ADAMTS18: variants seen among roughly 807,000 people sequenced by gnomAD.
The protein encoded by ADAMTS18 is ADAM metallopeptidase with thrombospondin type 1 motif 18, also known as A disintegrin and metalloproteinase with thrombospondin motifs 18.
Under a neutral mutation model 165.9 loss-of-function variants are expected in ADAMTS18, and 157 were observed. That is an observed-to-expected ratio of 0.95 (90% CI 0.83 to 1.08). ADAMTS18 has a LOEUF of 1.08. Ranked by LOEUF, ADAMTS18 falls within the 50% of genes least tolerant of loss-of-function variation. The pLI, the probability that ADAMTS18 is intolerant of heterozygous loss-of-function variation, is 0.00. For synonymous variants in ADAMTS18, 782 were observed against 578.2 expected (o/e 1.35, Z -5.06); for missense variants, 2,040 against 1,534.0 (o/e 1.33, Z -5.51).
At chr16:77,400,967 A>G (rs72801660) in intron 3 of ADAMTS18, among the ~76,000 whole-genome samples, 2,385 of 152,166 alleles carry the variant, frequency 0.016, 24 homozygotes, top group Middle Eastern at 0.031. Flanking sequence ...TTTGAAAGAA[A>G]CCAAATTGCC....
intron 3 of ADAMTS18, among the ~76,000 whole-genome samples, chr16:77,427,492 G>A (rs1003911897): frequency 3.3e-5 from 5 of 152,310 alleles, no homozygotes; most frequent in Admixed American, 2.6e-4. Flanking sequence ...ATAGTAGAAA[G>A]GACAGACATG....
At chr16:77,294,797 G>A in intron 19 of ADAMTS18, 126 bp downstream of exon 19, 1 of 915,580 alleles carries the variant, frequency 1.1e-6, no homozygotes, top group East Asian at 2.6e-5. Context: ...AGATTCCCAG[G>A]CACATGAACT....
At chr16:77,326,550 T>C (rs1333916207) in intron 12 of ADAMTS18, among the ~76,000 whole-genome samples, 1 of 152,098 alleles carries the variant, frequency 6.6e-6, no homozygotes, top group African/African-American at 2.4e-5. Flanking sequence ...ACCTGGCTAA[T>C]TCTTGTACTT....
rs866117910 is a variant in ADAMTS18 at position 77,408,161 on chromosome 16, T to A, written c.495+23134A>T. ...AGAGACACAGATTTACTATATGATA[T>A]ACCAAGCATACTCTAGATTAAACTT... On this transcript the variant is annotated intron_variant, in intron 3 of 22. Coordinates refer to ENST00000282849, the MANE Select transcript of ADAMTS18 (RefSeq NM_199355.4). 2.0e-5 allele frequency among the ~76,000 whole-genome samples: 3 copies of A among 152,110 alleles called. No individual in the cohort carries two copies. The South Asian group carries it at 6.2e-4, about 31-fold the overall frequency.
chr16:77,364,476 A>G, intron 4 of ADAMTS18, 95 bp from the exon 5 acceptor site: 3 of 1,387,664 alleles, frequency 2.2e-6, no homozygotes, highest in Non-Finnish European at 3.0e-6. Context: ...AAGAGAAACT[A>G]TGTAACCAAC....
chr16:77,327,571 T>C (rs2056117311), intron 12 of ADAMTS18, among the ~76,000 whole-genome samples: 1 of 152,164 alleles, frequency 6.6e-6, no homozygotes, highest in African/African-American at 2.4e-5. Flanking sequence ...CGTAAAAAAG[T>C]AATGAAATAA....
intron 3 of ADAMTS18, among the ~76,000 whole-genome samples, chr16:77,423,367 G>A (rs890454144): frequency 6.6e-6 from 1 of 152,128 alleles, no homozygotes; most frequent in Admixed American, 6.5e-5. Flanking sequence ...TGCAGAGGAA[G>A]GTCTGCAATA....
intron 13 of ADAMTS18, 121 bp downstream of exon 13, chr16:77,325,745 G>A (rs1284082391): frequency 2.0e-6 from 2 of 1,023,934 alleles, no homozygotes; most frequent in African/African-American, 1.6e-5. Context: ...GCCAGGATGG[G>A]TCTGGGGAGT....
rs1010463908 is a variant in ADAMTS18 at position 77,434,966 on chromosome 16, C to T, written c.-271G>A. ...GGCTCCCTGGGCCGGGACTGGAGCG[C>T]AAACGGTTGGGAGACTGTCGGTGTC... On this transcript the variant is annotated 5_prime_UTR_variant, in exon 1 of 23. Coordinates refer to ENST00000282849, the MANE Select transcript of ADAMTS18 (RefSeq NM_199355.4). 1.5e-5 allele frequency: 5 copies of T among 324,096 alleles called. No individual in the cohort carries two copies. Among genetic ancestry groups the T allele is most frequent in the Non-Finnish European group, 2.2e-5 (4 of 179,598 alleles). 20.1% of individuals were successfully genotyped at this position (324,096 alleles called of 1,614,324 possible).
intron 10 of ADAMTS18, among the ~76,000 whole-genome samples, chr16:77,347,325 T>C (rs981279163): frequency 7.2e-5 from 11 of 152,302 alleles, no homozygotes; most frequent in Non-Finnish European, 1.6e-4. Flanking sequence ...ATGGAGTACA[T>C]TTGCTGGGTC....
chr16:77,426,038 A>G (rs541927474), intron 3 of ADAMTS18, among the ~76,000 whole-genome samples: 2 of 151,626 alleles, frequency 1.3e-5, no homozygotes, highest in African/African-American at 4.9e-5. Flanking sequence ...GAGACTCCAC[A>G]TCAAACAAAC....
intron 3 of ADAMTS18, among the ~76,000 whole-genome samples, chr16:77,399,885 C>T (rs2057303800): frequency 6.6e-6 from 1 of 152,144 alleles, no homozygotes; most frequent in Non-Finnish European, 1.5e-5. Context: ...CTAGTATAAA[C>T]TAATTACAGA....
At chr16:77,423,806 G>C (rs550141054) in intron 3 of ADAMTS18, among the ~76,000 whole-genome samples, 1 of 152,006 alleles carries the variant, frequency 6.6e-6, no homozygotes, top group South Asian at 2.1e-4. Flanking sequence ...AAACATTCCC[G>C]CAAGCAGAAT....
chr16:77,393,363 G>T (rs1461674957), intron 3 of ADAMTS18, among the ~76,000 whole-genome samples: 1 of 152,170 alleles, frequency 6.6e-6, no homozygotes, highest in Non-Finnish European at 1.5e-5. Context: ...GCCAGCAGGG[G>T]CTAGGCTGCT....
chr16:77,341,733 C>T lies in ADAMTS18; in HGVS notation c.1681G>A (p.Ala561Thr). The change falls in exon 11 of 23, where the codon GCA becomes ACA. Residue 561 changes from alanine to threonine, a missense_variant. Transcript: ENST00000282849. ...HRCETKFMPAAEGTVCGLSMW... is the reference protein window; with the variant it reads ...HRCETKFMPATEGTVCGLSMW... ...CTCAAGCCACAAACGGTCCCTTCTG[C>T]TGCGGGCATAAACTTGGTCTCACAC... 1 of 1,613,746 alleles carries T rather than the reference C, an allele frequency of 6.2e-7. No individual in the cohort carries two copies. The highest frequency in any genetic ancestry group is 8.5e-7 in the Non-Finnish European group (1 of 1,179,874).
At chr16:77,359,237 G>C in intron 8 of ADAMTS18, 81 bp downstream of exon 8, 1 of 1,246,954 alleles carries the variant, frequency 8.0e-7, no homozygotes, top group Non-Finnish European at 1.2e-6. Flanking sequence ...TTCTGCCTAA[G>C]TCAACAACAA....
At chr16:77,403,685 G>A (rs1386678907) in intron 3 of ADAMTS18, among the ~76,000 whole-genome samples, 1 of 152,146 alleles carries the variant, frequency 6.6e-6, no homozygotes, top group Non-Finnish European at 1.5e-5. Flanking sequence ...TGTTAGGGGA[G>A]ACTGAGTCAT....
At chr16:77,379,213 C>G (rs2056996743) in intron 3 of ADAMTS18, among the ~76,000 whole-genome samples, 1 of 152,136 alleles carries the variant, frequency 6.6e-6, no homozygotes, top group Non-Finnish European at 1.5e-5. Flanking sequence ...TTAACTTCAC[C>G]ACCATAAGGT....
intron 3 of ADAMTS18, among the ~76,000 whole-genome samples, chr16:77,374,732 G>A (rs1223021858): frequency 1.3e-5 from 2 of 152,050 alleles, no homozygotes; most frequent in Admixed American, 6.6e-5. Context: ...AATGCATAGA[G>A]AAAACTTCCA....
Sources: allele counts gnomAD v4.1 joint callset (sites outside exome capture counted in the v4.1 genomes callset), GRCh38; gene constraint gnomAD v4.1.1; transcripts MANE v1.5; gene names NCBI Gene and HGNC (gene_info 2026-07-23, HGNC 2026-07-21).